HSD17B4: variants seen among roughly 807,000 people sequenced by gnomAD.
HSD17B4 encodes the protein peroxisomal multifunctional enzyme type 2.
In HSD17B4, 70 loss-of-function variants were observed where a neutral mutation model predicts 101.0. That is an observed-to-expected ratio of 0.69 (90% CI 0.57 to 0.85). The LOEUF is 0.85. Among genes scored for constraint, HSD17B4 ranks in the 40% least tolerant of loss-of-function variants. The pLI, the probability that HSD17B4 is intolerant of heterozygous loss-of-function variation, is 0.00. For synonymous variants in HSD17B4, 347 were observed against 297.1 expected (o/e 1.17, Z -1.73); for missense variants, 984 against 892.4 (o/e 1.10, Z -1.31).
chr5:119,480,590 G>T (rs1181022549), intron 8 of HSD17B4, among the ~76,000 whole-genome samples: 1 of 152,180 alleles, frequency 6.6e-6, no homozygotes, highest in Non-Finnish European at 1.5e-5. Flanking sequence ...CAGGACCACA[G>T]GACTGAGGCG....
intron 9 of HSD17B4, among the ~76,000 whole-genome samples, chr5:119,489,893 C>T (rs1749943535): frequency 6.6e-6 from 1 of 152,078 alleles, no homozygotes; most frequent in African/African-American, 2.4e-5. Context: ...CACATAATCC[C>T]ATCATGCAGT....
chr5:119,489,081 T>G, intron 8 of HSD17B4, 111 bp from the exon 9 acceptor site: 1 of 748,148 alleles, frequency 1.3e-6, no homozygotes, highest in South Asian at 1.5e-5. Context: ...GTTATATACA[T>G]ACTAATTTTG....
At chr5:119,463,913 C>T (rs1020276547) in intron 2 of HSD17B4, among the ~76,000 whole-genome samples, 4 of 151,964 alleles carry the variant, frequency 2.6e-5, no homozygotes, top group Non-Finnish European at 4.4e-5. Context: ...TCAAATGATC[C>T]GCCTGCCTTG....
At chr5:119,497,445 A>G (rs565451954) in intron 12 of HSD17B4, among the ~76,000 whole-genome samples, 1 of 152,268 alleles carries the variant, frequency 6.6e-6, no homozygotes, top group East Asian at 1.9e-4. Flanking sequence ...CTACCCGTTC[A>G]TAGTTCTTTA....
At position 119,530,096 on chromosome 5, in the gene HSD17B4, T is replaced by C. The variant is rs1289656775; in HGVS notation, c.1854+116T>C. 9.6e-6 allele frequency: 7 copies of C among 727,790 alleles called. No homozygotes were observed. In the Admixed American group the frequency reaches 1.2e-4, roughly 12 times the overall value. 45.1% of individuals were successfully genotyped at this position (727,790 alleles called of 1,614,324 possible). On this transcript the variant is annotated intron_variant, in intron 21 of 23. Transcript: ENST00000510025. Reference sequence around the variant, plus strand: ...TTAACAACCATGAAACTATTCTTAATTCTTGAAGTGAAAAACATTAATTCA... The same window carrying C: ...TTAACAACCATGAAACTATTCTTAACTCTTGAAGTGAAAAACATTAATTCA...
At chr5:119,482,654 G>GCTT (rs1276075016) in intron 8 of HSD17B4, among the ~76,000 whole-genome samples, 1 of 151,994 alleles carries the variant, frequency 6.6e-6, no homozygotes, top group Non-Finnish European at 1.5e-5. Flanking sequence ...GGTATCACAG[G>GCTT]CTTCTGTTTC....
At chr5:119,497,916 T>G (rs539508656) in intron 12 of HSD17B4, among the ~76,000 whole-genome samples, 2 of 152,330 alleles carry the variant, frequency 1.3e-5, no homozygotes, top group East Asian at 3.9e-4. Flanking sequence ...ATTTTCTGAC[T>G]CTTTAGAAAA....
intron 2 of HSD17B4, among the ~76,000 whole-genome samples, chr5:119,470,689 T>C (rs1266740479): frequency 2.0e-5 from 3 of 152,142 alleles, no homozygotes; most frequent in African/African-American, 7.2e-5. Context: ...TTTTTGTCAC[T>C]TCCTTGCTGA....
chr5:119,478,774 G>C, intron 7 of HSD17B4, 60 bp from the exon 8 acceptor site: 4 of 1,397,982 alleles, frequency 2.9e-6, no homozygotes, highest in Non-Finnish European at 4.0e-6. Flanking sequence ...AACAGAGTTA[G>C]AGTTGCAATG....
intron 2 of HSD17B4, 64 bp downstream of exon 2, chr5:119,456,432 A>G (rs1016899697): frequency 2.0e-6 from 2 of 987,966 alleles, no homozygotes; most frequent in Non-Finnish European, 3.3e-6. Flanking sequence ...TTTACAAGCT[A>G]TCTTTGTCTT....
At chr5:119,519,401 C>A (rs556487067) in intron 17 of HSD17B4, among the ~76,000 whole-genome samples, 11 of 152,218 alleles carry the variant, frequency 7.2e-5, no homozygotes, top group African/African-American at 2.2e-4. Flanking sequence ...AAATATAATT[C>A]TTTATTACAG....
At chr5:119,540,929 A>C (rs1007373875) in intron 23 of HSD17B4, among the ~76,000 whole-genome samples, 2 of 152,162 alleles carry the variant, frequency 1.3e-5, no homozygotes, top group East Asian at 1.9e-4. Context: ...GCCCACTTCA[A>C]ATTGACAGCT....
chr5:119,477,619 C>T, intron 7 of HSD17B4, 118 bp downstream of exon 7: 1 of 792,212 alleles, frequency 1.3e-6, no homozygotes. Flanking sequence ...GGAATATGTA[C>T]AACCTTTTAA....
intron 8 of HSD17B4, among the ~76,000 whole-genome samples, chr5:119,482,887 C>A (rs1749269719): frequency 6.6e-6 from 1 of 150,462 alleles, no homozygotes; most frequent in Non-Finnish European, 1.5e-5. Flanking sequence ...CTTCAGAAGA[C>A]TTTTTTAGCC....
rs556364046 is a variant in HSD17B4, at chr5:119,530,857, A to C, written c.1855-409A>C. ...GACAAGTCTGTCTCAAAAAAAAAAA[A>C]AAAAAACAAAAAACAAAAAAAACCC... On this transcript the variant is annotated intron_variant, in intron 21 of 23. Coordinates refer to ENST00000510025, the MANE Select transcript of HSD17B4 (RefSeq NM_000414.4). Among the ~76,000 whole-genome samples, 1,309 of 137,594 alleles carry C rather than the reference A, an allele frequency of 9.5e-3. 26 individuals are homozygous for C. The highest frequency in any genetic ancestry group is 0.031 in the African/African-American group (1,147 of 37,380). 90.3% of individuals were successfully genotyped at this position (137,594 alleles called of 152,430 possible). A position where few individuals can be genotyped will look rare whatever the true frequency, so the allele number is the denominator to read the frequency against.
chr5:119,528,571 G>A (rs1160153059), intron 20 of HSD17B4, among the ~76,000 whole-genome samples: 2 of 152,036 alleles, frequency 1.3e-5, no homozygotes, highest in Non-Finnish European at 2.9e-5. Flanking sequence ...ATATTTTGGA[G>A]CCCTCACATT....
intron 22 of HSD17B4, among the ~76,000 whole-genome samples, chr5:119,535,387 A>T (rs1311236969): frequency 6.6e-6 from 1 of 151,928 alleles, no homozygotes; most frequent in East Asian, 1.9e-4. Context: ...CCCATCTGGG[A>T]TTATACATTA....
chr5:119,532,893 G>C (rs995834815), intron 22 of HSD17B4, among the ~76,000 whole-genome samples: 1 of 152,076 alleles, frequency 6.6e-6, no homozygotes, highest in Non-Finnish European at 1.5e-5. Flanking sequence ...CACTGGTGGT[G>C]AAGTGTGACT....
intron 2 of HSD17B4, among the ~76,000 whole-genome samples, chr5:119,459,330 C>G (rs558866903): frequency 6.6e-6 from 1 of 152,242 alleles, no homozygotes; most frequent in Admixed American, 6.5e-5. Context: ...TAAAGACTTT[C>G]GGAAAGGGAA....
Sources: allele counts gnomAD v4.1 joint callset (sites outside exome capture counted in the v4.1 genomes callset), GRCh38; gene constraint gnomAD v4.1.1; transcripts MANE v1.5; gene names NCBI Gene and HGNC (gene_info 2026-07-23, HGNC 2026-07-21).